The following ZGRF1 variants were observed in gnomAD, a reference collection of about 807,000 sequenced individuals.
ZGRF1 encodes the protein 5'-3' DNA helicase ZGRF1.
A neutral mutation model predicts 203.5 loss-of-function variants in ZGRF1; 196 were observed. That is an observed-to-expected ratio of 0.96 (90% CI 0.86 to 1.08). ZGRF1 has a LOEUF of 1.08. Among genes scored for constraint, ZGRF1 ranks in the 50% least tolerant of loss-of-function variants. The pLI, the probability that ZGRF1 is intolerant of heterozygous loss-of-function variation, is 0.00. For synonymous variants in ZGRF1, 809 were observed against 841.3 expected (o/e 0.96, Z 0.66); for missense variants, 2,326 against 2,416.3 (o/e 0.96, Z 0.78).
At position 112,617,834 on chromosome 4, in the gene ZGRF1, G is replaced by C. The variant is rs2046934609; in HGVS notation, c.2208C>G (p.Asn736Lys). Residue 736 changes from asparagine (N) to lysine (K), a missense_variant, in exon 6 of 28, where the codon AAC (asparagine) becomes AAG (lysine). By Grantham distance (94) the Asn-to-Lys change is moderately conservative. Coordinates refer to ENST00000505019, the MANE Select transcript of ZGRF1 (RefSeq NM_018392.5). ...HVLPSTSSSD[N>K]SVQLLNTNQN... is the part of the protein sequence containing the mutation. Reference sequence around the variant, plus strand: ...GATTGGTATTTAATAGTTGGACACTGTTGTCACTACTAGAAGTTGAGGGTA... The same window carrying C: ...GATTGGTATTTAATAGTTGGACACTCTTGTCACTACTAGAAGTTGAGGGTA... 6.2e-7 allele frequency: 1 copy of C among 1,613,990 alleles called. No homozygotes were observed. The highest frequency in any genetic ancestry group is 1.7e-4 in the Middle Eastern group (1 of 6,060).
chr4:112,618,761 T>C lies in ZGRF1; in HGVS notation c.1281A>G (p.Ile427Met). 1.2e-6 allele frequency: 2 copies of C among 1,611,174 alleles called. No homozygotes were observed. The highest frequency in any genetic ancestry group is 1.1e-5 in the South Asian group (1 of 91,004). Reference protein sequence around the residue: ...VTCSSAENDGILSESDIQEDN... With the variant: ...VTCSSAENDGMLSESDIQEDN... ...CTTCTTGAATGTCAGATTCTGATAATATACCATCATTTTCTGCACTGCTAC... is the reference window on the plus strand; with the variant it reads ...CTTCTTGAATGTCAGATTCTGATAACATACCATCATTTTCTGCACTGCTAC... The change falls in exon 6 of 28, where the codon ATA becomes ATG. Residue 427 changes from isoleucine to methionine, a missense_variant. Coordinates refer to ENST00000505019, the MANE Select transcript of ZGRF1 (RefSeq NM_018392.5).
In ZGRF1 at chr4:112,617,700, T is replaced by C. The variant is rs753972853; in HGVS notation, c.2342A>G (p.His781Arg). The C allele has an allele frequency of 5.6e-6, 9 of 1,614,106 alleles. No homozygotes were observed. In the Admixed American group the frequency reaches 1.0e-4, roughly 18 times the overall value. ...TCCCAAATCTTCAGGTTCAGATATA[T>C]GTGCTTCTGTGTCTTTGGAAATAAG... ...KHLISKDTEA[H>R]ISEPEDLGKI... is the part of the protein sequence containing the mutation. Residue 781 changes from histidine to arginine, a missense_variant, in exon 6 of 28, where the codon CAT becomes CGT. Transcript: ENST00000505019.
Position 112,547,278 on chromosome 4 carries a change from T to C in ZGRF1, c.5598+7A>G, listed in dbSNP as rs762687609. ...TGATAATTCCGTAAGAATTCAGCAG[T>C]ATGTACCATTAAGCAAAGTCGATCA... On this transcript the variant is annotated splice_region_variant and intron_variant, in intron 24 of 27. Coordinates refer to ENST00000505019, the MANE Select transcript of ZGRF1 (RefSeq NM_018392.5). 6.2e-6 allele frequency: 10 copies of C among 1,610,804 alleles called. No homozygotes were observed. The East Asian group carries it at 1.1e-4, about 18-fold the overall frequency.
intron 16 of ZGRF1, among the ~76,000 whole-genome samples, chr4:112,578,598 C>T (rs1446841102): frequency 8.2e-6 from 1 of 121,786 alleles, no homozygotes; most frequent in African/African-American, 2.8e-5. Flanking sequence ...ATATCACCAC[C>T]GATCCACAGA....
At chr4:112,615,741 C>T (rs2046845086) in intron 6 of ZGRF1, among the ~76,000 whole-genome samples, 1 of 150,242 alleles carries the variant, frequency 6.7e-6, no homozygotes, top group Non-Finnish European at 1.5e-5. Context: ...TCAAATGATT[C>T]TCCTGCCTCA....
Position 112,620,909 on chromosome 4 carries a change from A to ATAGTCT in ZGRF1, c.163-720_163-719insAGACTA, listed in dbSNP as rs538641429. Among the ~76,000 whole-genome samples the ATAGTCT allele has an allele frequency of 2.0e-3, 297 of 151,698 alleles. 9 individuals carry two copies. The East Asian group carries it at 0.047, about 24-fold the overall frequency. ...TAGCCAGGCATGGTGGCATGTTCCTACAGTCTCAGCTACTTGAAAGGCTGA... is the reference window on the plus strand; with the variant it reads ...TAGCCAGGCATGGTGGCATGTTCCTATAGTCTCAGTCTCAGCTACTTGAAAGGCTGA... On this transcript the variant is annotated intron_variant, in intron 4 of 27. Transcript: ENST00000505019.
chr4:112,569,858 T>G (rs1743884461), intron 16 of ZGRF1, among the ~76,000 whole-genome samples: 1 of 152,074 alleles, frequency 6.6e-6, no homozygotes, highest in Non-Finnish European at 1.5e-5. Context: ...GAAAAAAGAC[T>G]TATGAAACTA....
rs1287909696 is a variant in ZGRF1, at chr4:112,618,161, TTTACA to T, written c.1876_1880del (p.Cys626AsnfsTer2). ...CTATTTCTTTTCCTGTGTTTTCAGT[TTTACA>T]TATTCCCATGTCAAAACCCACATAA... On this transcript the variant is annotated frameshift_variant, in exon 6 of 28. Coordinates refer to ENST00000505019, the MANE Select transcript of ZGRF1 (RefSeq NM_018392.5). LOFTEE classifies it high-confidence loss of function. 29 of 1,613,794 alleles carry T rather than the reference TTTACA, an allele frequency of 1.8e-5. No individual in the cohort carries two copies. Among genetic ancestry groups the T allele is most frequent in the Non-Finnish European group, 2.5e-5 (29 of 1,179,864 alleles).
chr4:112,564,801 A>G (rs1268483324), intron 16 of ZGRF1, among the ~76,000 whole-genome samples: 1 of 152,240 alleles, frequency 6.6e-6, no homozygotes, highest in African/African-American at 2.4e-5. Context: ...TATACATTTA[A>G]AAAATAAAAA....
At chr4:112,545,133 A>G (rs1187472424) in intron 24 of ZGRF1, among the ~76,000 whole-genome samples, 3 of 152,200 alleles carry the variant, frequency 2.0e-5, no homozygotes, top group Non-Finnish European at 4.4e-5. Context: ...AATAAAAAAT[A>G]GGTAAACTGA....
chr4:112,601,248 A>C (rs1261517638), intron 10 of ZGRF1, among the ~76,000 whole-genome samples: 1 of 152,080 alleles, frequency 6.6e-6, no homozygotes, highest in Non-Finnish European at 1.5e-5. Context: ...TCTCAAAAAA[A>C]TTTTAAAAAT....
In ZGRF1 at chr4:112,602,237, A is replaced by AC. The variant is rs1479071492; in HGVS notation, c.2976+1286dup. On this transcript the variant is annotated intron_variant, in intron 10 of 27. Transcript: ENST00000505019. ...AAAGGAAGAAAGCTGAACAGGCACT[A>AC]CATCAAAGAGGATAAAGAGATGGCC... Among the ~76,000 whole-genome samples, 9 of 152,298 alleles carry AC rather than the reference A, an allele frequency of 5.9e-5. No homozygotes were observed. In the East Asian group the frequency reaches 1.7e-3, roughly 29 times the overall value.
chr4:112,542,373 A>G (rs77032918), intron 24 of ZGRF1, among the ~76,000 whole-genome samples: 10,599 of 152,280 alleles, frequency 0.07, 511 homozygotes, highest in Non-Finnish European at 0.098. Context: ...TGACAACAGT[A>G]ATGATTACAA....
intron 16 of ZGRF1, among the ~76,000 whole-genome samples, chr4:112,570,861 T>C (rs1445658566): frequency 6.6e-6 from 1 of 152,096 alleles, no homozygotes; most frequent in East Asian, 1.9e-4. Flanking sequence ...CTCAACACTT[T>C]GGGAGCCCAG....
In ZGRF1 at chr4:112,594,107, A is replaced by G. The variant is rs563096400; in HGVS notation, c.2977-4233T>C. On this transcript the variant is annotated intron_variant, in intron 10 of 27. Transcript: ENST00000505019. ...TTATAATTTGAGAGTACTTTCACAG[A>G]TTTCCTACATAGCAATTATCTCAAT... Among the ~76,000 whole-genome samples the G allele has an allele frequency of 1.0e-3, 152 of 152,068 alleles. 1 individual carries two copies. The Middle Eastern group carries it at 0.014, about 14-fold the overall frequency.
Position 112,619,369 on chromosome 4 carries a change from C to A in ZGRF1, c.673G>T (p.Asp225Tyr), listed in dbSNP as rs746043137. ...ACAGGCTCATTGGTCAGTAAAGAGT[C>A]TGAAAGCTTATTTCCAGAATTGACA... ...SPVNSGNKLS[D>Y]SLLTNEPVKR... Residue 225 changes from aspartate to tyrosine, a missense_variant, in exon 6 of 28, where the codon GAC becomes TAC. Coordinates refer to ENST00000505019, the MANE Select transcript of ZGRF1 (RefSeq NM_018392.5). 8.7e-6 allele frequency: 14 copies of A among 1,613,104 alleles called. No homozygotes were observed. Among genetic ancestry groups the A allele is most frequent in the Non-Finnish European group, 1.0e-5 (12 of 1,179,500 alleles).
chr4:112,581,893 G>C, intron 15 of ZGRF1, 91 bp from the exon 16 acceptor site: 1 of 564,014 alleles, frequency 1.8e-6, no homozygotes, highest in East Asian at 3.7e-5. Flanking sequence ...AAGAACCAGG[G>C]TTTCATATGT....
At position 112,587,765 on chromosome 4, in the gene ZGRF1, G is replaced by T; in HGVS notation, c.3292C>A (p.Pro1098Thr). 1 of 1,555,578 alleles carries T rather than the reference G, an allele frequency of 6.4e-7. No individual in the cohort carries two copies. Among genetic ancestry groups the T allele is most frequent in the Non-Finnish European group, 8.7e-7 (1 of 1,148,828 alleles). Residue 1098 changes from proline (P) to threonine (T), a missense_variant, in exon 12 of 28, where the codon CCC (proline) becomes ACC (threonine). Pro to Thr is a conservative substitution (Grantham distance 38). Coordinates refer to ENST00000505019, the MANE Select transcript of ZGRF1 (RefSeq NM_018392.5). ...GACTTTTCACACAAATTGAGCATGG[G>T]GGAGCCAGAAGACTCGTATGTGTTA... ...NSNTYESSGS[P>T]MLNLCEKSAV... is the part of the protein sequence containing the mutation.
chr4:112,573,201 C>CACAG (rs60052909), intron 16 of ZGRF1, among the ~76,000 whole-genome samples: 1 of 147,010 alleles, frequency 6.8e-6, no homozygotes, highest in Non-Finnish European at 1.5e-5. Context: ...CACACACACA[C>CACAG]CCATGGAATA....
Sources: gnomAD v4.1 joint callset for allele counts (sites outside exome capture counted in the v4.1 genomes callset) on GRCh38, gnomAD v4.1.1 for gene constraint, MANE v1.5 for transcripts, NCBI Gene and HGNC (gene_info 2026-07-23, HGNC 2026-07-21) for gene names.